The following ZBTB49 variants were observed in gnomAD, a reference collection of about 807,000 sequenced individuals.
ZBTB49 encodes zinc finger and BTB domain containing 49, also known as zinc finger and BTB domain-containing protein 49.
ZBTB49 carries 43 observed loss-of-function variants against 57.5 expected under a neutral mutation model. That is an observed-to-expected ratio of 0.75 (90% CI 0.59 to 0.97). The LOEUF is 0.97. ZBTB49 is among the 50% of genes least tolerant of loss of function. ZBTB49 has a pLI of 0.00. For missense variants in ZBTB49, 938 were observed against 947.7 expected (o/e 0.99, Z 0.13); for synonymous variants, 369 against 362.1 (o/e 1.02, Z -0.22).
chr4:4,301,171 A>G (rs548024195), intron 2 of ZBTB49, among the ~76,000 whole-genome samples: 19 of 152,354 alleles, frequency 1.2e-4, no homozygotes, highest in Admixed American at 1.2e-3. Context: ...TAAAAACAGA[A>G]CTGAAGGCTG....
chr4:4,306,324 A>G (rs1720734077), intron 4 of ZBTB49, 140 bp downstream of exon 4: 8 of 721,458 alleles, frequency 1.1e-5, no homozygotes, highest in Admixed American at 3.0e-5. Context: ...ATAAATTAGG[A>G]TAAATCGTTT....
rs1406343496 is a variant in ZBTB49 at position 4,302,199 on chromosome 4, T to C, written c.363T>C (p.Thr121=). ...SLCHTFLKSA[T]VVQPPGMPCN... ...GTCACACATTTTTAAAATCAGCCAC[T>C]GTAGTACAGCCACCTGGCATGCCTT... Residue 121 remains threonine, a synonymous_variant, in exon 3 of 8, where the codon ACT becomes ACC. Transcript: ENST00000337872. 3.1e-6 allele frequency: 5 copies of C among 1,614,256 alleles called. No homozygotes were observed. In the South Asian group the frequency reaches 5.5e-5, roughly 18 times the overall value.
intron 1 of ZBTB49, among the ~76,000 whole-genome samples, chr4:4,291,999 G>A (rs1719960323): frequency 6.6e-6 from 1 of 152,156 alleles, no homozygotes; most frequent in Admixed American, 6.5e-5. Context: ...TTAGGCGGGT[G>A]TGGTGGCGCA....
At chr4:4,305,515 C>T (rs1030193188) in intron 3 of ZBTB49, among the ~76,000 whole-genome samples, 1 of 152,060 alleles carries the variant, frequency 6.6e-6, no homozygotes, top group Non-Finnish European at 1.5e-5. Context: ...TAGTAGAGTA[C>T]CATTCTTAGA....
chr4:4,320,957 C>T lies in ZBTB49; in HGVS notation c.1939C>T (p.His647Tyr), dbSNP rs1254930904. The T allele has an allele frequency of 6.2e-7, 1 of 1,614,232 alleles. No homozygotes were observed. The highest frequency in any genetic ancestry group is 1.1e-5 in the South Asian group (1 of 91,086). ...VENSVAEFDS[H>Y]SGGSYCKLRS... ...AAATTCTGTGGCAGAATTTGATAGC[C>T]ACTCTGGCGGCTCCTATTGTAAGTT... Residue 647 changes from histidine to tyrosine, a missense_variant, in exon 8 of 8, where the codon CAC (histidine) becomes TAC (tyrosine). Around this residue, in one of 3 missense-constraint regions of ZBTB49, gnomAD observed 835 missense variants for 819.1 expected, o/e 1.02. Coordinates refer to ENST00000337872, the MANE Select transcript of ZBTB49 (RefSeq NM_145291.4).
At position 4,315,614 on chromosome 4, in the gene ZBTB49, G is replaced by T. The variant is rs199711112; in HGVS notation, c.1377-22G>T. 4.0e-4 allele frequency: 650 copies of T among 1,612,082 alleles called. 2 individuals carry two copies. Among genetic ancestry groups the T allele is most frequent in the Non-Finnish European group, 3.2e-4 (378 of 1,178,858 alleles). Reference sequence around the variant, plus strand: ...CAGTAATGTGGAAAGGCTCTTAATTGAATTTTCAAATTACATTCTAGGTTT... The same window carrying T: ...CAGTAATGTGGAAAGGCTCTTAATTTAATTTTCAAATTACATTCTAGGTTT... On this transcript the variant is annotated intron_variant, in intron 5 of 7. Coordinates refer to ENST00000337872, the MANE Select transcript of ZBTB49 (RefSeq NM_145291.4).
Position 4,290,272 on chromosome 4 carries a change from C to A in ZBTB49, c.-100C>A, listed in dbSNP as rs186783501. 3.3e-5 allele frequency: 5 copies of A among 152,328 alleles called. No homozygotes were observed. Among genetic ancestry groups the A allele is most frequent in the African/African-American group, 1.2e-4 (5 of 41,446 alleles). 9.4% of individuals were successfully genotyped at this position (152,328 alleles called of 1,614,324 possible). A position where few individuals can be genotyped will look rare whatever the true frequency, so the allele number is the denominator to read the frequency against. On this transcript the variant is annotated 5_prime_UTR_variant, in exon 1 of 8. Transcript: ENST00000337872. The stretch of plus-strand genomic sequence containing the variant: ...GGGCGTTGTCGTGATGATTCCGCGG[C>A]CAGCGGATCGCTGCGAGTGGCCTTG...
At chr4:4,295,704 G>A (rs1009394769) in intron 1 of ZBTB49, among the ~76,000 whole-genome samples, 43 of 152,294 alleles carry the variant, frequency 2.8e-4, no homozygotes, top group African/African-American at 1.0e-3. Context: ...GTACCTCAGT[G>A]TTGCTCTTTG....
At chr4:4,297,952 G>T (rs1369715963) in intron 1 of ZBTB49, among the ~76,000 whole-genome samples, 1 of 152,200 alleles carries the variant, frequency 6.6e-6, no homozygotes. Context: ...GAATGCCTGT[G>T]ATGCGGTTAC....
At chr4:4,313,002 T>C (rs765627218) in intron 4 of ZBTB49, 39 bp from the exon 5 acceptor site, 98 of 1,605,846 alleles carry the variant, frequency 6.1e-5, no homozygotes, top group Middle Eastern at 1.7e-4. Flanking sequence ...AACCAAAAAC[T>C]TTCATTATTG....
intron 1 of ZBTB49, among the ~76,000 whole-genome samples, 164 bp downstream of exon 1, chr4:4,290,516 C>T (rs1240724538): frequency 9.9e-5 from 15 of 152,234 alleles, no homozygotes; most frequent in Non-Finnish European, 2.2e-4. Context: ...GCGGCTCCTG[C>T]GAGAGTCAGC....
Position 4,321,136 on chromosome 4 carries a change from C to T in ZBTB49, c.2118C>T (p.Ala706=), listed in dbSNP as rs140138433. Residue 706 remains alanine (A), a synonymous_variant, in exon 8 of 8, where the codon GCC becomes GCT. Coordinates refer to ENST00000337872, the MANE Select transcript of ZBTB49 (RefSeq NM_145291.4). Reference sequence around the variant, plus strand: ...CAGCCGGTGGCGAACCACTGCAGGCCGATGGCATGGCCATGATCCGTTCCT... The same window carrying T: ...CAGCCGGTGGCGAACCACTGCAGGCTGATGGCATGGCCATGATCCGTTCCT... ...DTPAGGEPLQ[A]DGMAMIRSSL... is the part of the protein sequence containing the mutation. The T allele has an allele frequency of 2.2e-5, 35 of 1,614,146 alleles. No individual in the cohort carries two copies. In the African/African-American group the frequency reaches 3.1e-4, roughly 14 times the overall value.
rs33911857 is a variant in ZBTB49, at chr4:4,299,776, G to GGTGTGTGTGT, written c.-19-125_-19-116dup. Among the ~76,000 whole-genome samples the GGTGTGTGTGT allele has an allele frequency of 5.8e-3, 606 of 103,704 alleles. 4 individuals carry two copies. Among genetic ancestry groups the GGTGTGTGTGT allele is most frequent in the African/African-American group, 0.016 (573 of 36,294 alleles). 68.0% of individuals were successfully genotyped at this position (103,704 alleles called of 152,430 possible). On this transcript the variant is annotated intron_variant, in intron 1 of 7. Transcript: ENST00000337872. ...GCGGTCTAGATGCCTCAGAAACAGA[G>GGTGTGTGTGT]GTGTGTGTGTGTGTGTGTGTGTGTG...
At chr4:4,315,746 T>C (rs781242421) in intron 6 of ZBTB49, 28 bp downstream of exon 6, 13 of 1,609,070 alleles carry the variant, frequency 8.1e-6, no homozygotes, top group Non-Finnish European at 1.1e-5. Context: ...CCTATTCTTC[T>C]TGAAGATTTC....
intron 1 of ZBTB49, among the ~76,000 whole-genome samples, chr4:4,294,004 A>G (rs970785436): frequency 6.6e-6 from 1 of 152,250 alleles, no homozygotes; most frequent in Non-Finnish European, 1.5e-5. Flanking sequence ...TAAATCTGAC[A>G]AATTCCTCAT....
Position 4,320,863 on chromosome 4 carries a change from C to T in ZBTB49, c.1845C>T (p.Asp615=), listed in dbSNP as rs200690893. The part of the protein sequence containing the change: ...TSDLEKSQSS[D]SFSQDTSVTL... ...ACCTCGAGAAATCTCAGAGCTCAGACTCTTTCTCCCAAGACACGTCTGTGA... is the reference window on the plus strand; with the variant it reads ...ACCTCGAGAAATCTCAGAGCTCAGATTCTTTCTCCCAAGACACGTCTGTGA... The change falls in exon 8 of 8, where the codon GAC becomes GAT. Residue 615 remains aspartate, a synonymous_variant. Transcript: ENST00000337872. 2.1e-4 allele frequency: 347 copies of T among 1,614,216 alleles called. 5 individuals are homozygous for T. In the South Asian group the frequency reaches 3.5e-3, roughly 16 times the overall value.
At chr4:4,313,752 G>A (rs1721075085) in intron 5 of ZBTB49, among the ~76,000 whole-genome samples, 1 of 152,218 alleles carries the variant, frequency 6.6e-6, no homozygotes, top group Non-Finnish European at 1.5e-5. Context: ...TCCTTGGGCT[G>A]TACGTCAATC....
intron 7 of ZBTB49, among the ~76,000 whole-genome samples, chr4:4,319,182 C>T (rs989847494): frequency 1.6e-4 from 24 of 151,990 alleles, no homozygotes; most frequent in African/African-American, 5.8e-4. Context: ...TGTGAGCCAC[C>T]TCACCTGGCC....
chr4:4,290,663 C>T (rs992266980), intron 1 of ZBTB49, among the ~76,000 whole-genome samples: 1 of 152,252 alleles, frequency 6.6e-6, no homozygotes, highest in Non-Finnish European at 1.5e-5. Flanking sequence ...CTCTCATCTC[C>T]AGGCTTTGCC....
Sources: allele counts gnomAD v4.1 joint callset (sites outside exome capture counted in the v4.1 genomes callset), GRCh38; gene constraint gnomAD v4.1.1; regional missense constraint gnomAD v4.1.1; transcripts MANE v1.5; gene names NCBI Gene and HGNC (gene_info 2026-07-23, HGNC 2026-07-21).